RUBCN: variants seen among roughly 807,000 people sequenced by gnomAD.
RUBCN encodes the protein run domain Beclin-1-interacting and cysteine-rich domain-containing protein.
A neutral mutation model predicts 113.2 loss-of-function variants in RUBCN; 74 were observed. That is an observed-to-expected ratio of 0.65 (90% confidence interval 0.54 to 0.79). RUBCN has a LOEUF of 0.79. Among genes scored for constraint, RUBCN ranks in the 30% least tolerant of loss-of-function variants. The pLI is 0.00. For missense variants in RUBCN, 1,109 were observed against 1,251.7 expected (o/e 0.89, Z 1.72); for synonymous variants, 480 against 490.0 (o/e 0.98, Z 0.27).
chr3:197,711,874 A>T (rs1291765434), intron 2 of RUBCN, among the ~76,000 whole-genome samples: 5 of 152,132 alleles, frequency 3.3e-5, no homozygotes, highest in Admixed American at 1.3e-4. Context: ...TGTTTTTTTT[A>T]AAACACATAA....
At chr3:197,701,554 C>T (rs1459787397) in intron 6 of RUBCN, among the ~76,000 whole-genome samples, 154 bp downstream of exon 6, 1 of 152,222 alleles carries the variant, frequency 6.6e-6, no homozygotes, top group Non-Finnish European at 1.5e-5. Flanking sequence ...TGAATTATTT[C>T]AAGCTAGTCA....
chr3:197,674,993 G>A lies in RUBCN; in HGVS notation c.*25C>T, dbSNP rs554179124. The A allele has an allele frequency of 1.4e-5, 23 of 1,607,626 alleles. No homozygotes were observed. The highest frequency in any genetic ancestry group is 4.5e-5 in the East Asian group (2 of 44,848). ...TTCTGCAACAGGTGTGACCCGGCCC[G>A]GAGGGAGGGCTGCACGTGCTTTCTT... On this transcript the variant is annotated 3_prime_UTR_variant, in exon 20 of 20. Coordinates refer to ENST00000296343, the MANE Select transcript of RUBCN (RefSeq NM_014687.4).
chr3:197,749,562 G>C, exon 1 of RUBCN: 9 of 1,291,932 alleles, frequency 7.0e-6, no homozygotes, highest in Non-Finnish European at 8.1e-6. Flanking sequence ...CGAAAGGCTC[G>C]TGTGTACCGA....
intron 2 of RUBCN, among the ~76,000 whole-genome samples, chr3:197,708,160 G>C (rs1032865833): frequency 2.6e-5 from 4 of 151,432 alleles, no homozygotes; most frequent in African/African-American, 4.9e-5. Context: ...TTCCAAGACG[G>C]AGTCTTGCTC....
intron 1 of RUBCN, among the ~76,000 whole-genome samples, chr3:197,723,642 G>A (rs1044532951): frequency 6.6e-6 from 1 of 152,072 alleles, no homozygotes; most frequent in Non-Finnish European, 1.5e-5. Context: ...TATCTCTTTA[G>A]TGTCTTCATC....
intron 2 of RUBCN, among the ~76,000 whole-genome samples, chr3:197,710,878 G>A (rs1724890048): frequency 6.6e-6 from 1 of 151,540 alleles, no homozygotes; most frequent in African/African-American, 2.4e-5. Flanking sequence ...GAATGCAGTT[G>A]TGTGATCTTG....
At position 197,673,031 on chromosome 3, in the gene RUBCN, T is replaced by A. The variant is rs990369891; in HGVS notation, c.*1987A>T. Reference sequence around the variant, plus strand: ...AACCAAAACTGGAAGTAGAGCTCATTTTTATAAACTCCTGGGTCTGAATCT... The same window carrying A: ...AACCAAAACTGGAAGTAGAGCTCATATTTATAAACTCCTGGGTCTGAATCT... On this transcript the variant is annotated 3_prime_UTR_variant, in exon 20 of 20. Transcript: ENST00000296343. 3.3e-5 allele frequency: 5 copies of A among 152,250 alleles called. No individual in the cohort carries two copies. The highest frequency in any genetic ancestry group is 7.3e-5 in the Non-Finnish European group (5 of 68,080). 9.4% of individuals were successfully genotyped at this position (152,250 alleles called of 1,614,324 possible).
Position 197,684,745 on chromosome 3 carries a change from C to T in RUBCN, c.1787-528G>A, listed in dbSNP as rs1001784395. ...ATGTGTGTGTATATATATACACACA[C>T]GTATATATATACATATATAAAAAAC... On this transcript the variant is annotated intron_variant, in intron 11 of 19. Transcript: ENST00000296343. Among the ~76,000 whole-genome samples, 15 of 151,234 alleles carry T rather than the reference C, an allele frequency of 9.9e-5. No homozygotes were observed. In the East Asian group the frequency reaches 2.5e-3, roughly 25 times the overall value.
intron 7 of RUBCN, among the ~76,000 whole-genome samples, chr3:197,698,810 C>T (rs1486412016): frequency 9.2e-5 from 10 of 109,174 alleles, no homozygotes; most frequent in African/African-American, 1.5e-4. Context: ...CTGGGCAATG[C>T]GGTGAAACCC....
In RUBCN at chr3:197,736,781, G is replaced by A. The variant is rs1728190334; in HGVS notation, c.-62C>T. On this transcript the variant is annotated 5_prime_UTR_variant, in exon 1 of 20. Transcript: ENST00000296343. ...CGTCCCTGCCGCTTCGCCCTTCAGG[G>A]CTCCCGGGGCCCCCTGGGGCCGGAG... 5.3e-6 allele frequency: 8 copies of A among 1,506,962 alleles called. No individual in the cohort carries two copies. In the Admixed American group the frequency reaches 1.3e-4, roughly 24 times the overall value. 93.3% of individuals were successfully genotyped at this position (1,506,962 alleles called of 1,614,324 possible). A position where few individuals can be genotyped will look rare whatever the true frequency, so the allele number is the denominator to read the frequency against.
At chr3:197,726,467 C>T (rs1478486074) in intron 1 of RUBCN, among the ~76,000 whole-genome samples, 29 of 151,686 alleles carry the variant, frequency 1.9e-4, no homozygotes, top group Admixed American at 1.6e-3. Context: ...AGGATGGTCT[C>T]GATCTCCTGA....
At chr3:197,741,830 C>CA (rs553278631), upstream of RUBCN, among the ~76,000 whole-genome samples, 930 of 135,414 alleles carry the variant, frequency 6.9e-3, 3 homozygotes, top group African/African-American at 8.4e-3. Context: ...GACTCCATCT[C>CA]AAAAAAAAAA....
At chr3:197,723,397 G>A (rs776210761) in intron 1 of RUBCN, among the ~76,000 whole-genome samples, 2 of 152,034 alleles carry the variant, frequency 1.3e-5, no homozygotes, top group Non-Finnish European at 1.5e-5. Flanking sequence ...TGTTGGCCAG[G>A]CCAGTCTCAA....
Position 197,675,251 on chromosome 3 carries a change from C to T in RUBCN, c.2741-55G>A. 3 of 1,604,444 alleles carry T rather than the reference C, an allele frequency of 1.9e-6. No homozygotes were observed. Among genetic ancestry groups the T allele is most frequent in the Non-Finnish European group, 2.6e-6 (3 of 1,171,616 alleles). ...AGAAAACAATTTGTATTATCTCCAG[C>T]TAGAGGTCAGTTGCTGCCACAGCCC... On this transcript the variant is annotated intron_variant, in intron 19 of 19. Transcript: ENST00000296343. The surrounding 1 kb of genome is among the most constrained non-coding windows in gnomAD (Gnocchi z 4.4).
intron 11 of RUBCN, 119 bp downstream of exon 11, chr3:197,693,596 C>A (rs547714630): frequency 2.6e-6 from 2 of 758,474 alleles, no homozygotes; most frequent in Non-Finnish European, 4.6e-6. Flanking sequence ...CTGTCCCTTA[C>A]AATAGCTAAC....
intron 1 of RUBCN, among the ~76,000 whole-genome samples, chr3:197,724,741 A>G (rs1330530146): frequency 4.6e-5 from 7 of 152,250 alleles, no homozygotes; most frequent in Non-Finnish European, 1.0e-4. Context: ...TAAAGTATAA[A>G]AAGCAGAATG....
chr3:197,694,412 C>G lies in RUBCN; in HGVS notation c.1647G>C (p.Lys549Asn). The G allele has an allele frequency of 1.2e-6, 2 of 1,614,232 alleles. No homozygotes were observed. The highest frequency in any genetic ancestry group is 1.7e-6 in the Non-Finnish European group (2 of 1,180,050). ...IRLRRQQIRT[K>N]NLLPMYQEAE... ...CCTCCTGGTACATGGGGAGCAGGTT[C>G]TTGGTGCGGATTTGCTGGCGCCGAA... is the stretch of plus-strand genomic sequence containing the variant. The change falls in exon 10 of 20, where the codon AAG becomes AAC. Residue 549 changes from lysine to asparagine, a missense_variant. Lys to Asn is a moderately conservative substitution (Grantham distance 94). Around this residue, in one of 3 missense-constraint regions of RUBCN, gnomAD observed 736 missense variants for 779.6 expected, o/e 0.94. Transcript: ENST00000296343.
At chr3:197,738,157 C>G (rs1408229121), upstream of RUBCN, among the ~76,000 whole-genome samples, 1 of 152,218 alleles carries the variant, frequency 6.6e-6, no homozygotes, top group Non-Finnish European at 1.5e-5. Context: ...CAACTTTGCA[C>G]AGGCCAAACA....
chr3:197,687,587 GA>G (rs1721990432), intron 11 of RUBCN, among the ~76,000 whole-genome samples: 1 of 152,230 alleles, frequency 6.6e-6, no homozygotes, highest in Non-Finnish European at 1.5e-5. Context: ...CCTCTAAGCT[GA>G]CTCCGGGGGA....
Sources: gnomAD v4.1 joint callset for allele counts (sites outside exome capture counted in the v4.1 genomes callset) on GRCh38, gnomAD v4.1.1 for gene constraint, gnomAD v4.1.1 regional missense constraint, Gnocchi (gnomAD v3.1) non-coding constraint, MANE v1.5 for transcripts, NCBI Gene and HGNC (gene_info 2026-07-23, HGNC 2026-07-21) for gene names.